Variants in DIO2 observed in about 807,000 individuals in gnomAD.
DIO2 encodes type II iodothyronine deiodinase.
In DIO2, 19 loss-of-function variants were observed where a neutral mutation model predicts 21.4. That is an observed-to-expected ratio of 0.89 (90% CI 0.62 to 1.30). The LOEUF is 1.30. DIO2 is among the 50% of genes most tolerant of loss of function. The probability of loss-of-function intolerance (pLI) is 0.00; values close to 1 mark genes in which losing one functional copy is unlikely to be tolerated. For missense variants in DIO2, 302 were observed against 338.1 expected (o/e 0.89, Z 0.84); for synonymous variants, 122 against 132.9 (o/e 0.92, Z 0.57).
In DIO2 at chr14:80,202,700, A is replaced by G. The variant is rs1887779990; in HGVS notation, c.811T>C (p.Leu271=). Residue 271 remains leucine, a synonymous_variant, in exon 2 of 2, where the codon TTA becomes CTA. Coordinates refer to ENST00000438257, the MANE Select transcript of DIO2 (RefSeq NM_013989.5). ...NFSKRUKKTR[L]AG The stretch of plus-strand genomic sequence containing the variant: ...TTATAATCATACCTTTAACCAGCTA[A>G]TCTAGTTTTCTTTCATCTCTTGCTG... The G allele has an allele frequency of 6.2e-7, 1 of 1,611,888 alleles. No homozygotes were observed. The highest frequency in any genetic ancestry group is 1.3e-5 in the African/African-American group (1 of 74,870).
At chr14:80,206,359 T>A (rs1299893059) in intron 1 of DIO2, 12 of 1,371,360 alleles carry the variant, frequency 8.8e-6, no homozygotes, top group Non-Finnish European at 1.2e-5. Flanking sequence ...GAAAAAAAAC[T>A]TTTTTTAGAT....
At chr14:80,219,413 T>C (rs928695080) in intron 2 of DIO2, 1 of 152,014 alleles carries the variant, frequency 6.6e-6, no homozygotes, top group Non-Finnish European at 1.5e-5. Context: ...ACATGGGATA[T>C]GTGAGAAAAG....
At chr14:80,225,316 A>T (rs906833197) in intron 2 of DIO2, among the ~76,000 whole-genome samples, 2 of 152,186 alleles carry the variant, frequency 1.3e-5, no homozygotes, top group East Asian at 3.9e-4. Context: ...AATAAAGACA[A>T]TAATAAGGTC....
At chr14:80,211,166 C>A (rs1251275293) in intron 1 of DIO2, 85 bp downstream of exon 1, 4 of 1,312,200 alleles carry the variant, frequency 3.0e-6, no homozygotes, top group Non-Finnish European at 4.2e-6. Context: ...GCTCTCCCCC[C>A]AATGCTCCCA....
chr14:80,224,740 C>T (rs1341292466), intron 2 of DIO2, among the ~76,000 whole-genome samples: 1 of 152,144 alleles, frequency 6.6e-6, no homozygotes, highest in Non-Finnish European at 1.5e-5. Flanking sequence ...CTGTTGAACA[C>T]AAGCTAAATG....
chr14:80,209,127 A>C (rs896524472), intron 1 of DIO2, among the ~76,000 whole-genome samples: 1 of 152,174 alleles, frequency 6.6e-6, no homozygotes, highest in African/African-American at 2.4e-5. Context: ...AACACTATAC[A>C]TTGGTGAAAA....
In DIO2 at chr14:80,198,608, A is replaced by G. The variant is rs1220537421; in HGVS notation, c.*4081T>C. On this transcript the variant is annotated 3_prime_UTR_variant, in exon 2 of 2. Coordinates refer to ENST00000438257, the MANE Select transcript of DIO2 (RefSeq NM_013989.5). ...CTCTCTTTTCTTAGAGAGCCTCAGG[A>G]CATGACCAAGATTGTGCCCATTGCA... 1 of 152,118 alleles carries G rather than the reference A, an allele frequency of 6.6e-6. No homozygotes were observed. Among genetic ancestry groups the G allele is most frequent in the East Asian group, 1.9e-4 (1 of 5,172 alleles). 9.4% of individuals were successfully genotyped at this position (152,118 alleles called of 1,614,324 possible).
At chr14:80,211,046 A>T (rs1888163110) in intron 1 of DIO2, among the ~76,000 whole-genome samples, 1 of 152,214 alleles carries the variant, frequency 6.6e-6, no homozygotes, top group Non-Finnish European at 1.5e-5. Context: ...ATTAGGTCAC[A>T]CAGAGTCATT....
intron 2 of DIO2, among the ~76,000 whole-genome samples, chr14:80,224,325 CAG>C (rs1170815711): frequency 1.3e-5 from 2 of 152,170 alleles, no homozygotes; most frequent in Non-Finnish European, 2.9e-5. Flanking sequence ...CTCCAACCAA[CAG>C]ATACTAAATC....
intron 2 of DIO2, among the ~76,000 whole-genome samples, chr14:80,227,311 G>A (rs947188825): frequency 6.6e-6 from 1 of 152,312 alleles, no homozygotes; most frequent in East Asian, 1.9e-4. Flanking sequence ...ATGGGCATTT[G>A]AGCCACTTTC....
At chr14:80,225,425 C>T (rs1326831156) in intron 2 of DIO2, among the ~76,000 whole-genome samples, 1 of 152,180 alleles carries the variant, frequency 6.6e-6, no homozygotes, top group Non-Finnish European at 1.5e-5. Context: ...TACTTAAATG[C>T]TGATATGAGG....
chr14:80,230,495 C>A (rs193246610), intron 2 of DIO2, among the ~76,000 whole-genome samples: 1 of 152,244 alleles, frequency 6.6e-6, no homozygotes, highest in Admixed American at 6.5e-5. Flanking sequence ...TCATCATTTT[C>A]TTTCATTACT....
At chr14:80,229,118 G>A (rs75647261) in intron 2 of DIO2, among the ~76,000 whole-genome samples, 59,423 of 151,894 alleles carry the variant, frequency 0.39, 11,962 homozygotes, top group South Asian at 0.5. Context: ...ATGATTCTCC[G>A]TTTTTATAAT....
intron 2 of DIO2, among the ~76,000 whole-genome samples, chr14:80,229,505 G>C (rs1307143413): frequency 6.6e-6 from 1 of 152,102 alleles, no homozygotes; most frequent in African/African-American, 2.4e-5. Flanking sequence ...TATTTTGCAA[G>C]GCATTGGTCA....
chr14:80,223,815 A>G (rs1888516218), intron 2 of DIO2, among the ~76,000 whole-genome samples: 1 of 152,228 alleles, frequency 6.6e-6, no homozygotes, highest in Non-Finnish European at 1.5e-5. Context: ...CATGTTGTAG[A>G]CAAAGTTAAA....
intron 2 of DIO2, among the ~76,000 whole-genome samples, chr14:80,224,341 A>C (rs148623873): frequency 6.6e-6 from 1 of 152,120 alleles, no homozygotes; most frequent in Admixed American, 6.6e-5. Context: ...CTAAATCCTA[A>C]TCTCTGGAAC....
In DIO2 at chr14:80,202,566, C is replaced by A; in HGVS notation, c.*123G>T. 1 of 1,035,228 alleles carries A rather than the reference C, an allele frequency of 9.7e-7. No homozygotes were observed. The highest frequency in any genetic ancestry group is 1.7e-5 in the South Asian group (1 of 59,716). 64.1% of individuals were successfully genotyped at this position (1,035,228 alleles called of 1,614,324 possible). A position where few individuals can be genotyped will look rare whatever the true frequency, so the allele number is the denominator to read the frequency against. On this transcript the variant is annotated 3_prime_UTR_variant, in exon 2 of 2. Transcript: ENST00000438257. ...GGAGCTGTTAGAGATTCATGTTCTTCCGATAGATAAACTCCTGTCTTTCAG... is the reference window on the plus strand; with the variant it reads ...GGAGCTGTTAGAGATTCATGTTCTTACGATAGATAAACTCCTGTCTTTCAG...
rs766090858 is a variant in DIO2, at chr14:80,202,999, G to C, written c.512C>G (p.Ala171Gly). 2.5e-6 allele frequency: 4 copies of C among 1,613,838 alleles called. No homozygotes were observed. The highest frequency in any genetic ancestry group is 3.4e-6 in the Non-Finnish European group (4 of 1,179,858). The change falls in exon 2 of 2, where the codon GCG becomes GGG. Residue 171 changes from alanine (A) to glycine (G), a missense_variant. By Grantham distance (60) the Ala-to-Gly change is moderately conservative. Coordinates refer to ENST00000438257, the MANE Select transcript of DIO2 (RefSeq NM_013989.5). Reference protein sequence around the residue: ...IDEAHPSDGWAIPGDSSLSFE... With the variant: ...IDEAHPSDGWGIPGDSSLSFE... ...AGACAAAGAGGAGTCCCCCGGTATC[G>C]CCCAGCCATCTGATGGATGAGCCTC...
At position 80,197,860 on chromosome 14, in the gene DIO2, C is replaced by T. The variant is rs1302716198; in HGVS notation, c.*4829G>A. 1 of 152,674 alleles carries T rather than the reference C, an allele frequency of 6.5e-6. No homozygotes were observed. Among genetic ancestry groups the T allele is most frequent in the Non-Finnish European group, 1.5e-5 (1 of 68,070 alleles). The allele number at this position is 152,674 out of a possible 1,614,324, so 9.5% of individuals were successfully genotyped here. ...CCGCACACTGGTCAACTCTGCACATCTCTGTCTCCCTCTTCGGGCGCCCGA... is the reference window on the plus strand; with the variant it reads ...CCGCACACTGGTCAACTCTGCACATTTCTGTCTCCCTCTTCGGGCGCCCGA... On this transcript the variant is annotated 3_prime_UTR_variant, in exon 2 of 2. Transcript: ENST00000438257.
Sources: allele counts gnomAD v4.1 joint callset (sites outside exome capture counted in the v4.1 genomes callset), GRCh38; gene constraint gnomAD v4.1.1; transcripts MANE v1.5; gene names NCBI Gene and HGNC (gene_info 2026-07-23, HGNC 2026-07-21).